The following TANC1 variants were observed in gnomAD, a reference collection of about 807,000 sequenced individuals.
TANC1 encodes the protein tetratricopeptide repeat, ankyrin repeat and coiled-coil containing 1, also known as protein TANC1.
In TANC1, 77 loss-of-function variants were observed where a neutral mutation model predicts 149.7. The observed-to-expected ratio is 0.51, with a 90% CI of 0.43 to 0.62. The LOEUF (loss-of-function observed/expected upper bound fraction) is 0.62, where lower values mean the gene tolerates loss of function less well. Among genes scored for constraint, TANC1 ranks in the 20% least tolerant of loss-of-function variants. The pLI is 0.00. For synonymous variants in TANC1, 854 were observed against 925.0 expected (o/e 0.92, Z 1.39); for missense variants, 1,985 against 2,321.8 (o/e 0.85, Z 2.98).
chr2:159,124,880 T>A (rs1207568648), intron 4 of TANC1, among the ~76,000 whole-genome samples: 1 of 112,652 alleles, frequency 8.9e-6, no homozygotes, highest in Non-Finnish European at 1.7e-5. Flanking sequence ...CCTCACCAAG[T>A]ACAGGCACGC....
chr2:159,121,747 T>C (rs577959650), intron 4 of TANC1, among the ~76,000 whole-genome samples: 9 of 152,350 alleles, frequency 5.9e-5, no homozygotes, highest in African/African-American at 2.2e-4. Context: ...CAAACATTGC[T>C]AGGGACAGGA....
At chr2:159,152,666 T>A (rs902037944) in intron 7 of TANC1, among the ~76,000 whole-genome samples, 1 of 152,194 alleles carries the variant, frequency 6.6e-6, no homozygotes, top group African/African-American at 2.4e-5. Context: ...ATTAAAAAAT[T>A]TTTTAACATA....
intron 2 of TANC1, among the ~76,000 whole-genome samples, chr2:159,025,134 CTT>C (rs1559144119): frequency 6.6e-6 from 1 of 151,688 alleles, no homozygotes; most frequent in Non-Finnish European, 1.5e-5. Flanking sequence ...TCCTTTCTTG[CTT>C]TCTTTTTCTT....
At chr2:159,128,062 T>C (rs556015371) in intron 4 of TANC1, among the ~76,000 whole-genome samples, 1 of 152,380 alleles carries the variant, frequency 6.6e-6, no homozygotes, top group South Asian at 2.1e-4. Context: ...TAGGTGACTT[T>C]TGTGTTTTCT....
Position 159,198,321 on chromosome 2 carries a change from G to T in TANC1, c.3166-654G>T, listed in dbSNP as rs191204838. Among the ~76,000 whole-genome samples the T allele has an allele frequency of 6.6e-5, 10 of 152,296 alleles. No individual in the cohort carries two copies. The East Asian group carries it at 1.9e-3, about 29-fold the overall frequency. The stretch of plus-strand genomic sequence containing the variant: ...GATTGGGATGTAGACATCTTTGGGG[G>T]CCATTATTCAGCCTACCACAAAGGG... On this transcript the variant is annotated intron_variant, in intron 18 of 26. Coordinates refer to ENST00000263635, the MANE Select transcript of TANC1 (RefSeq NM_033394.3).
intron 2 of TANC1, among the ~76,000 whole-genome samples, chr2:159,048,244 A>G (rs2041217225): frequency 6.6e-6 from 1 of 152,112 alleles, no homozygotes; most frequent in Admixed American, 6.5e-5. Context: ...TGGCAAGTAG[A>G]TTGGCTTTGG....
At chr2:159,098,782 G>A (rs749646239) in intron 4 of TANC1, among the ~76,000 whole-genome samples, 14 of 151,832 alleles carry the variant, frequency 9.2e-5, no homozygotes, top group Non-Finnish European at 1.8e-4. Context: ...TCACATGTGA[G>A]GAAAGCCTTT....
At position 159,028,185 on chromosome 2, in the gene TANC1, A is replaced by G. The variant is rs1201794894; in HGVS notation, c.-16+26996A>G. On this transcript the variant is annotated intron_variant, in intron 2 of 26. Transcript: ENST00000263635. Reference sequence around the variant, plus strand: ...GCCTAGGCTGGAGTGCAATGGTGCAATCTCACCTCACTGCAACCTCTATCT... The same window carrying G: ...GCCTAGGCTGGAGTGCAATGGTGCAGTCTCACCTCACTGCAACCTCTATCT... Among the ~76,000 whole-genome samples, 5 of 152,010 alleles carry G rather than the reference A, an allele frequency of 3.3e-5. No individual in the cohort carries two copies. In the East Asian group the frequency reaches 7.7e-4, roughly 23 times the overall value.
chr2:159,057,997 C>A (rs1281851331), intron 2 of TANC1, among the ~76,000 whole-genome samples: 9 of 152,128 alleles, frequency 5.9e-5, no homozygotes, highest in Non-Finnish European at 1.3e-4. Flanking sequence ...AGCTAGGGAG[C>A]ACTCAGGTGA....
intron 8 of TANC1, among the ~76,000 whole-genome samples, chr2:159,166,419 C>T (rs550213409): frequency 2.8e-4 from 42 of 152,268 alleles, no homozygotes; most frequent in African/African-American, 2.9e-4. Flanking sequence ...CACCAAAAAA[C>T]GGACTTTCCT....
chr2:159,012,114 C>T (rs1352626982), intron 2 of TANC1, among the ~76,000 whole-genome samples: 1 of 152,182 alleles, frequency 6.6e-6, no homozygotes, highest in Non-Finnish European at 1.5e-5. Context: ...ACCCATCCCA[C>T]CCCTGGACCC....
chr2:159,042,312 C>T (rs941587115), intron 2 of TANC1, among the ~76,000 whole-genome samples: 1 of 152,122 alleles, frequency 6.6e-6, no homozygotes, highest in Non-Finnish European at 1.5e-5. Flanking sequence ...GCAGTGAAGC[C>T]CGGCAGGATT....
chr2:159,217,401 C>T lies in TANC1; in HGVS notation c.3245-96C>T, dbSNP rs990137026. 1.1e-5 allele frequency: 16 copies of T among 1,487,818 alleles called. No homozygotes were observed. In the African/African-American group the frequency reaches 1.4e-4, roughly 13 times the overall value. The allele number at this position is 1,487,818 out of a possible 1,614,324, so 92.2% of individuals were successfully genotyped here. On this transcript the variant is annotated intron_variant, in intron 19 of 26. Coordinates refer to ENST00000263635, the MANE Select transcript of TANC1 (RefSeq NM_033394.3). ...TTCAAAGGGGGAGGACATATAGACC[C>T]CATCTCCCACTGGGGGAGAGAACTG...
chr2:159,022,162 A>G (rs2038881140), intron 2 of TANC1, among the ~76,000 whole-genome samples: 1 of 152,170 alleles, frequency 6.6e-6, no homozygotes, highest in Admixed American at 6.5e-5. Flanking sequence ...AGGCTGATGG[A>G]GTAATGTCAC....
chr2:159,226,390 G>C (rs1042421020), intron 24 of TANC1: 1 of 153,316 alleles, frequency 6.5e-6, no homozygotes, highest in Admixed American at 6.5e-5. Flanking sequence ...TCATAGAGAA[G>C]GTTCCTCAGC....
At chr2:159,150,674 C>G in intron 7 of TANC1, 118 bp downstream of exon 7, 1 of 737,232 alleles carries the variant, frequency 1.4e-6, no homozygotes, top group East Asian at 2.6e-5. Flanking sequence ...CCAGCGCCTG[C>G]TCTGTTCTTT....
rs555414427 is a variant in TANC1 at position 159,207,421 on chromosome 2, G to A, written c.3244+8368G>A. 7.2e-5 allele frequency among the ~76,000 whole-genome samples: 11 copies of A among 152,288 alleles called. No homozygotes were observed. In the South Asian group the frequency reaches 2.1e-3, roughly 29 times the overall value. ...TTGTAGGAGCTAAGAACTCAGACTG[G>A]CCAGGTCCAGTGGCTCACGCCTGTA... On this transcript the variant is annotated intron_variant, in intron 19 of 26. Transcript: ENST00000263635.
chr2:159,010,909 T>C (rs1412666623), intron 2 of TANC1, among the ~76,000 whole-genome samples: 1 of 152,156 alleles, frequency 6.6e-6, no homozygotes. Flanking sequence ...CTTTTGGTTT[T>C]TGTTTTGAGA....
At position 159,087,692 on chromosome 2, in the gene TANC1, C is replaced by A. The variant is rs143543534; in HGVS notation, c.62-9945C>A. On this transcript the variant is annotated intron_variant, in intron 3 of 26. Transcript: ENST00000263635. ...CTGGCCAATGTTGCTTTTTTGATTT[C>A]AGGCTTTCGGTGTTGGACGGGAGGG... Among the ~76,000 whole-genome samples, 20 of 151,520 alleles carry A rather than the reference C, an allele frequency of 1.3e-4. No homozygotes were observed. The East Asian group carries it at 3.7e-3, about 28-fold the overall frequency.
Sources: gnomAD v4.1 joint callset for allele counts (sites outside exome capture counted in the v4.1 genomes callset) on GRCh38, gnomAD v4.1.1 for gene constraint, MANE v1.5 for transcripts, NCBI Gene and HGNC (gene_info 2026-07-23, HGNC 2026-07-21) for gene names.